The following DNASE1 variants were observed in gnomAD, a reference collection of about 807,000 sequenced individuals.
DNASE1 encodes the protein deoxyribonuclease-1.
Under a neutral mutation model 33.9 loss-of-function variants are expected in DNASE1, and 40 were observed. The observed-to-expected ratio is 1.18, with a 90% CI of 0.92 to 1.54. DNASE1 has a LOEUF of 1.54. DNASE1 is among the 40% of genes most tolerant of loss of function. The probability of loss-of-function intolerance (pLI) is 0.00; values close to 1 mark genes in which losing one functional copy is unlikely to be tolerated. For missense variants in DNASE1, 518 were observed against 372.6 expected (o/e 1.39, Z -3.21); for synonymous variants, 216 against 160.0 (o/e 1.35, Z -2.64).
upstream of DNASE1, among the ~76,000 whole-genome samples, chr16:3,641,894 C>G (rs745445257): frequency 2.6e-5 from 4 of 152,222 alleles, no homozygotes; most frequent in Non-Finnish European, 5.9e-5. Flanking sequence ...CTGGGGAGAA[C>G]TGTGGAACCA....
chr16:3,619,553 G>A (rs2041230860), intron 1 of DNASE1, among the ~76,000 whole-genome samples: 1 of 150,788 alleles, frequency 6.6e-6, no homozygotes, highest in African/African-American at 2.4e-5. Context: ...AGTAGAGACA[G>A]GGTTTCACCG....
At chr16:3,640,686 G>T, upstream of DNASE1, 1 of 398,578 alleles carries the variant, frequency 2.5e-6, no homozygotes, top group South Asian at 1.3e-4. Flanking sequence ...TGATGGGCAT[G>T]AGTAACACTC....
At chr16:3,661,069 A>G (rs1157272474), downstream of DNASE1, 1 of 152,176 alleles carries the variant, frequency 6.6e-6, no homozygotes, top group African/African-American at 2.4e-5. Context: ...ATTTCCCCCA[A>G]AAAAGAAACT....
intron 1 of DNASE1, among the ~76,000 whole-genome samples, chr16:3,618,250 TAAAAA>T (rs34169414): frequency 8.3e-6 from 1 of 120,242 alleles, no homozygotes; most frequent in Non-Finnish European, 1.8e-5. Context: ...AGCCATTTCC[TAAAAA>T]AAAAAAAAAA....
At chr16:3,616,763 A>T (rs1002761860) in intron 1 of DNASE1, among the ~76,000 whole-genome samples, 2 of 152,234 alleles carry the variant, frequency 1.3e-5, no homozygotes, top group African/African-American at 4.8e-5. Context: ...TATAGTAATC[A>T]AGACTGTGTG....
chr16:3,660,893 C>G (rs2043035986), downstream of DNASE1: 1 of 152,036 alleles, frequency 6.6e-6, no homozygotes, highest in Non-Finnish European at 1.5e-5. Flanking sequence ...CACTGCACTC[C>G]AACCTGGGGG....
chr16:3,658,138 C>T, downstream of DNASE1: 1 of 1,614,030 alleles, frequency 6.2e-7, no homozygotes. Context: ...GTCAGTGTCG[C>T]TCCAGGGCCT....
At chr16:3,664,276 C>G (rs912954604) in exon 10 of DNASE1, 3 of 1,589,166 alleles carry the variant, frequency 1.9e-6, no homozygotes, top group African/African-American at 2.7e-5. Context: ...TCACCCACCT[C>G]TGTGTCTTTC....
rs193115324 is a variant in DNASE1 at position 3,627,833 on chromosome 16, A to C, written c.-1358-12882A>C. ...CAGTTTGTTAGTAAGTTTTGAAATC[A>C]GGAAGTGTGAATCCTGAATCTGTTT... is the stretch of plus-strand genomic sequence containing the variant. On this transcript the variant is annotated intron_variant and NMD_transcript_variant, in intron 1 of 11. Coordinates refer to the DNASE1 transcript ENST00000570769. Among the ~76,000 whole-genome samples the C allele has an allele frequency of 3.6e-3, 548 of 151,504 alleles. 4 individuals carry two copies. The highest frequency in any genetic ancestry group is 0.017 in the Middle Eastern group (5 of 290).
chr16:3,656,392 C>T (rs941680659), intron 4 of DNASE1, among the ~76,000 whole-genome samples: 4 of 144,196 alleles, frequency 2.8e-5, no homozygotes, highest in East Asian at 2.1e-4. Flanking sequence ...GCCTGGGTCC[C>T]GGACCAATGG....
downstream of DNASE1, chr16:3,658,351 T>G: frequency 1.3e-6 from 1 of 779,334 alleles, no homozygotes; most frequent in Non-Finnish European, 2.1e-6. Context: ...CTCGGCTCAC[T>G]GCAACCTCAG....
exon 10 of DNASE1, chr16:3,664,666 G>C: frequency 1.8e-6 from 1 of 567,190 alleles, no homozygotes. Flanking sequence ...GGGGGCTTAG[G>C]AAGCACCTCC....
exon 10 of DNASE1, chr16:3,664,357 T>C (rs1286949191): frequency 6.2e-7 from 1 of 1,612,970 alleles, no homozygotes; most frequent in Admixed American, 1.7e-5. Flanking sequence ...TAGTAGATGT[T>C]GCGGGTGCCG....
downstream of DNASE1, chr16:3,658,251 C>A: frequency 1.9e-6 from 3 of 1,596,798 alleles, no homozygotes; most frequent in Non-Finnish European, 2.6e-6. Flanking sequence ...AGAGGAGAAA[C>A]CCATTATGAG....
At position 3,613,990 on chromosome 16, in the gene DNASE1, G is replaced by A. The variant is rs182089811; in HGVS notation, c.-1359+1984G>A. ...TGCAGTGGTGTGATCTCGGCTCACTGCAAGCTCTGCTTCCCGGGTTCACGC... is the reference window on the plus strand; with the variant it reads ...TGCAGTGGTGTGATCTCGGCTCACTACAAGCTCTGCTTCCCGGGTTCACGC... On this transcript the variant is annotated intron_variant and NMD_transcript_variant, in intron 1 of 11. Transcript: ENST00000570769. Among the ~76,000 whole-genome samples, 177 of 142,176 alleles carry A rather than the reference G, an allele frequency of 1.2e-3. 3 individuals carry two copies. In the East Asian group the frequency reaches 0.025, roughly 20 times the overall value. The allele number at this position is 142,176 out of a possible 152,430, so 93.3% of individuals were successfully genotyped here.
At chr16:3,649,221 C>G (rs747681996) in intron 1 of DNASE1, among the ~76,000 whole-genome samples, 5 of 152,210 alleles carry the variant, frequency 3.3e-5, no homozygotes, top group African/African-American at 4.8e-5. Context: ...AAAATGGTGA[C>G]TTTCAGGTCT....
intron 1 of DNASE1, among the ~76,000 whole-genome samples, chr16:3,646,797 G>A (rs2042184269): frequency 1.3e-5 from 2 of 152,136 alleles, no homozygotes; most frequent in South Asian, 4.1e-4. Flanking sequence ...CGGGTGGTAT[G>A]GAGGCTGCAG....
chr16:3,648,449 C>T (rs1264679513), intron 1 of DNASE1, among the ~76,000 whole-genome samples: 2 of 152,188 alleles, frequency 1.3e-5, no homozygotes, highest in Non-Finnish European at 2.9e-5. Context: ...GTAGTCCCAG[C>T]TACTCAGGAG....
upstream of DNASE1, chr16:3,653,040 A>C (rs191253928): frequency 6.6e-6 from 1 of 152,320 alleles, no homozygotes; most frequent in East Asian, 1.9e-4. Context: ...GGAACCTCTG[A>C]ATGTTGATTT....
Sources: allele counts gnomAD v4.1 joint callset (sites outside exome capture counted in the v4.1 genomes callset), GRCh38; gene constraint gnomAD v4.1.1; transcripts MANE v1.5; gene names NCBI Gene and HGNC (gene_info 2026-07-23, HGNC 2026-07-21).